Variants in PCDH11X observed in about 807,000 individuals in gnomAD.
PCDH11X encodes protocadherin 11 X-linked, also known as protocadherin-11 X-linked.
In PCDH11X, 18 loss-of-function variants were observed where a neutral mutation model predicts 53.3. The observed-to-expected ratio is 0.34, with a 90% CI of 0.23 to 0.50. The LOEUF is 0.50. Ranked by LOEUF, PCDH11X falls within the 20% of genes least tolerant of loss-of-function variation. The pLI is 0.98. For synonymous variants in PCDH11X, 279 were observed against 393.3 expected, an observed-to-expected ratio of 0.71 and a Z score of 3.44; for missense variants, 570 against 1,032.4, an observed-to-expected ratio of 0.55 and a Z score of 6.14.
intron 10 of PCDH11X, among the ~76,000 whole-genome samples, chrX:92,546,882 T>G (rs2074864532): frequency 8.9e-6 from 1 of 112,040 alleles, no homozygotes; most frequent in South Asian, 3.7e-4. Context: ...AGACCACATA[T>G]CATCTAGTCA....
At chrX:92,185,840 C>A (rs768387673) in intron 6 of PCDH11X, among the ~76,000 whole-genome samples, 1,902 of 107,388 alleles carry the variant, frequency 0.018, 42 homozygotes, top group African/African-American at 0.062. Context: ...AAAGAAAAAA[C>A]AAAACAAAAC....
intron 6 of PCDH11X, among the ~76,000 whole-genome samples, chrX:92,152,462 A>G (rs187546516): frequency 1.8e-5 from 2 of 112,028 alleles, no homozygotes; most frequent in Admixed American, 1.9e-4. Context: ...CTTCATGAAC[A>G]CTTCTTGATT....
intron 8 of PCDH11X, among the ~76,000 whole-genome samples, chrX:92,365,330 T>C (rs1323236766): frequency 9.1e-6 from 1 of 109,330 alleles, no homozygotes. Context: ...TCAAGTATTA[T>C]GTACTGTACA....
At chrX:92,541,785 G>A (rs1216108783) in intron 10 of PCDH11X, among the ~76,000 whole-genome samples, 1 of 108,773 alleles carries the variant, frequency 9.2e-6, no homozygotes, top group Admixed American at 9.9e-5. Flanking sequence ...GTGAAACCCC[G>A]TTTCAATACA....
chrX:92,498,419 G>A (rs1410857095), intron 10 of PCDH11X, among the ~76,000 whole-genome samples: 1 of 110,847 alleles, frequency 9.0e-6, no homozygotes, highest in Non-Finnish European at 1.9e-5. Context: ...TTAACAAAAT[G>A]TGCTGGAGTA....
intron 10 of PCDH11X, among the ~76,000 whole-genome samples, chrX:92,559,878 C>T (rs1384594334): frequency 1.8e-5 from 2 of 111,061 alleles, no homozygotes; most frequent in African/African-American, 3.3e-5. Flanking sequence ...CAATGTGAGA[C>T]ACAAGGAATG....
At chrX:92,355,150 G>C (rs1162094322) in intron 8 of PCDH11X, among the ~76,000 whole-genome samples, 1 of 105,159 alleles carries the variant, frequency 9.5e-6, no homozygotes, top group Admixed American at 1.1e-4. Context: ...TTATTAGGCC[G>C]GGCGCGGTGG....
intron 6 of PCDH11X, among the ~76,000 whole-genome samples, chrX:92,162,759 G>C: frequency 9.8e-6 from 1 of 102,161 alleles, no homozygotes; most frequent in Non-Finnish European, 2.0e-5. Context: ...AATGGACTCT[G>C]TGAGGGTCCT....
At chrX:91,800,162 C>T (rs1448398479) in intron 1 of PCDH11X, among the ~76,000 whole-genome samples, 1 of 110,592 alleles carries the variant, frequency 9.0e-6, no homozygotes, top group Non-Finnish European at 1.9e-5. Context: ...TCCTTCTACT[C>T]TCTTTTTTCC....
chrX:91,830,629 G>C (rs777841656), intron 4 of PCDH11X, among the ~76,000 whole-genome samples: 1 of 110,652 alleles, frequency 9.0e-6, no homozygotes, highest in East Asian at 2.9e-4. Context: ...GTTTACCCAG[G>C]CTGTGAAAGA....
intron 6 of PCDH11X, among the ~76,000 whole-genome samples, chrX:91,931,805 T>C (rs1234066089): frequency 1.8e-5 from 2 of 110,862 alleles, no homozygotes; most frequent in African/African-American, 6.5e-5. Context: ...TACGTCATTA[T>C]ACTTATATAT....
intron 7 of PCDH11X, among the ~76,000 whole-genome samples, chrX:92,237,655 A>G (rs186814485): frequency 9.0e-6 from 1 of 111,283 alleles, no homozygotes; most frequent in Non-Finnish European, 1.9e-5. Context: ...GAGATTATCA[A>G]TGTTCACTAA....
intron 8 of PCDH11X, among the ~76,000 whole-genome samples, chrX:92,300,464 T>C (rs935271650): frequency 9.0e-6 from 1 of 110,712 alleles, no homozygotes; most frequent in Admixed American, 9.7e-5. Flanking sequence ...TTTGTTGTTG[T>C]TGTTGTTGTT....
At chrX:91,808,323 T>C (rs1378569160) in intron 1 of PCDH11X, among the ~76,000 whole-genome samples, 1 of 108,104 alleles carries the variant, frequency 9.3e-6, no homozygotes, top group Non-Finnish European at 1.9e-5. Flanking sequence ...GGTGAAACCC[T>C]GTCTCAACTA....
intron 1 of PCDH11X, among the ~76,000 whole-genome samples, chrX:91,809,193 A>G (rs550749696): frequency 9.0e-6 from 1 of 111,369 alleles, no homozygotes; most frequent in South Asian, 3.7e-4. Context: ...CCCACATTCC[A>G]GATTAAACTT....
intron 7 of PCDH11X, among the ~76,000 whole-genome samples, chrX:92,227,524 T>C (rs1259347512): frequency 3.6e-5 from 4 of 111,803 alleles, no homozygotes; most frequent in Non-Finnish European, 7.5e-5. Flanking sequence ...TTTGTGCCTT[T>C]TGTTCCTGCA....
At chrX:92,275,157 C>T (rs919125572) in intron 8 of PCDH11X, among the ~76,000 whole-genome samples, 3 of 103,120 alleles carry the variant, frequency 2.9e-5, no homozygotes, top group African/African-American at 1.0e-4. Flanking sequence ...AGCCTCTGCA[C>T]GCAGACCTGA....
chrX:92,587,761 T>G (rs1924556916), intron 10 of PCDH11X, among the ~76,000 whole-genome samples: 1 of 107,578 alleles, frequency 9.3e-6, no homozygotes, highest in Admixed American at 1.0e-4. Flanking sequence ...TGAAATCTAT[T>G]CTTTGCAGAT....
intron 10 of PCDH11X, among the ~76,000 whole-genome samples, chrX:92,528,624 T>G (rs937822930): frequency 1.8e-5 from 2 of 112,051 alleles, no homozygotes; most frequent in African/African-American, 6.5e-5. Flanking sequence ...GATGGGAATC[T>G]TTAGAGAAAT....
Sources: allele counts gnomAD v4.1 joint callset (sites outside exome capture counted in the v4.1 genomes callset), GRCh38; gene constraint gnomAD v4.1.1; transcripts MANE v1.5; gene names NCBI Gene and HGNC (gene_info 2026-07-23, HGNC 2026-07-21).